Variants in ADD1 observed in about 807,000 individuals in gnomAD.
The protein encoded by ADD1 is adducin 1.
In ADD1, 24 loss-of-function variants were observed where a neutral mutation model predicts 80.5. That is an observed-to-expected ratio of 0.30 (90% confidence interval 0.22 to 0.42). The LOEUF is 0.42. ADD1 is among the 10% of genes least tolerant of loss of function. The probability of loss-of-function intolerance (pLI) is 1.00; values close to 1 mark genes in which losing one functional copy is unlikely to be tolerated. For missense variants in ADD1, 948 were observed against 1,019.0 expected (o/e 0.93, Z 0.95); for synonymous variants, 373 against 393.8 (o/e 0.95, Z 0.63).
At chr4:2,864,803 G>T (rs980846620) in intron 1 of ADD1, among the ~76,000 whole-genome samples, 3 of 152,130 alleles carry the variant, frequency 2.0e-5, no homozygotes, top group Admixed American at 6.5e-5. Flanking sequence ...TTTTATTCAC[G>T]TTCTTAATGG....
intron 14 of ADD1, among the ~76,000 whole-genome samples, chr4:2,919,788 G>T (rs1328272871): frequency 1.3e-5 from 2 of 151,678 alleles, no homozygotes; most frequent in Admixed American, 6.6e-5. Context: ...AAAAAAACCA[G>T]CTCCTGGATT....
At chr4:2,876,511 GGC>G (rs988355413) in intron 2 of ADD1, 7 of 153,806 alleles carry the variant, frequency 4.6e-5, no homozygotes, top group Admixed American at 1.3e-4. Context: ...AGACCAGGCT[GGC>G]CATCACGGTG....
chr4:2,875,838 T>C (rs1429703944), intron 1 of ADD1, 58 bp from the exon 2 acceptor site: 1 of 1,374,800 alleles, frequency 7.3e-7, no homozygotes, highest in East Asian at 2.4e-5. Flanking sequence ...GTGCTCATCA[T>C]GAAACACTGT....
chr4:2,849,327 A>G (rs1348296289), intron 1 of ADD1, among the ~76,000 whole-genome samples: 1 of 152,228 alleles, frequency 6.6e-6, no homozygotes, highest in Non-Finnish European at 1.5e-5. Context: ...GTTGGGAAAG[A>G]GGGTTCATAC....
At chr4:2,911,700 C>T (rs1738091370) in intron 13 of ADD1, among the ~76,000 whole-genome samples, 1 of 152,138 alleles carries the variant, frequency 6.6e-6, no homozygotes, top group Admixed American at 6.5e-5. Flanking sequence ...AAGCAGTCCA[C>T]CTGACTCAGC....
intron 13 of ADD1, 36 bp from the exon 14 acceptor site, chr4:2,914,848 G>C (rs780631533): frequency 5.1e-6 from 8 of 1,559,626 alleles, no homozygotes; most frequent in African/African-American, 1.4e-5. Context: ...CCATCGGGCC[G>C]GGCTCCTGCA....
intron 1 of ADD1, among the ~76,000 whole-genome samples, chr4:2,868,831 C>T (rs1023043023): frequency 1.3e-5 from 2 of 152,088 alleles, no homozygotes; most frequent in African/African-American, 2.4e-5. Context: ...AGGTGCCAGG[C>T]TTGGGGCGTG....
At chr4:2,864,231 G>A (rs540103326) in intron 1 of ADD1, among the ~76,000 whole-genome samples, 14 of 152,180 alleles carry the variant, frequency 9.2e-5, no homozygotes, top group South Asian at 4.2e-4. Flanking sequence ...TGGGCGATAC[G>A]GTGAAACCCC....
intron 1 of ADD1, among the ~76,000 whole-genome samples, chr4:2,846,367 A>G (rs529722510): frequency 7.9e-5 from 12 of 152,338 alleles, no homozygotes; most frequent in African/African-American, 2.9e-4. Context: ...ATCTAAAGGT[A>G]TGATCAGATT....
chr4:2,890,651 G>A (rs555666063), intron 4 of ADD1, among the ~76,000 whole-genome samples: 3 of 152,006 alleles, frequency 2.0e-5, no homozygotes, highest in African/African-American at 2.4e-5. Flanking sequence ...CTTGTGATCC[G>A]CCCTTCTCGC....
At position 2,928,860 on chromosome 4, in the gene ADD1, T is replaced by A; in HGVS notation, c.*337T>A. 3 of 273,930 alleles carry A rather than the reference T, an allele frequency of 1.1e-5. No homozygotes were observed. The highest frequency in any genetic ancestry group is 6.8e-6 in the Non-Finnish European group (1 of 146,918). The allele number at this position is 273,930 out of a possible 1,614,324, so 17.0% of individuals were successfully genotyped here. A position where few individuals can be genotyped will look rare whatever the true frequency, so the allele number is the denominator to read the frequency against. On this transcript the variant is annotated 3_prime_UTR_variant, in exon 16 of 16. Coordinates refer to ENST00000683351, the MANE Select transcript of ADD1 (RefSeq NM_001354761.2). ...TCACCCTCCTGAGCCTCACCTTTCC[T>A]GCCGTCCCTCCTGTTGTGAAATCAC...
intron 14 of ADD1, among the ~76,000 whole-genome samples, chr4:2,915,303 C>T (rs1325784724): frequency 2.0e-5 from 3 of 152,042 alleles, no homozygotes; most frequent in Non-Finnish European, 4.4e-5. Context: ...GTCGGGAGTT[C>T]GAGACCAACC....
At chr4:2,921,196 C>T (rs1047170736) in intron 14 of ADD1, among the ~76,000 whole-genome samples, 19 of 152,040 alleles carry the variant, frequency 1.2e-4, no homozygotes, top group Admixed American at 7.9e-4. Flanking sequence ...GGCGTGATCT[C>T]GGCTCACTGC....
At chr4:2,852,366 G>A (rs367683689) in intron 1 of ADD1, among the ~76,000 whole-genome samples, 7 of 114,710 alleles carry the variant, frequency 6.1e-5, no homozygotes, top group African/African-American at 3.5e-5. Flanking sequence ...TCGCTCTTTC[G>A]CCCAGGCTGG....
chr4:2,906,568 G>T (rs1350977743), intron 10 of ADD1, among the ~76,000 whole-genome samples: 1 of 152,198 alleles, frequency 6.6e-6, no homozygotes, highest in Non-Finnish European at 1.5e-5. Flanking sequence ...CCAAGGGGAG[G>T]CCTTGCTCCG....
chr4:2,884,686 G>A lies in ADD1; in HGVS notation c.510+20G>A. 1 of 1,560,138 alleles carries A rather than the reference G, an allele frequency of 6.4e-7. No homozygotes were observed. The highest frequency in any genetic ancestry group is 1.8e-5 in the Admixed American group (1 of 54,370). The stretch of plus-strand genomic sequence containing the variant: ...ATCACAGTGAGTATTAAATGGGCTA[G>A]TAACTGAACGATAAATGAAATATTT... On this transcript the variant is annotated intron_variant, in intron 4 of 15. Transcript: ENST00000683351.
At chr4:2,878,544 C>A (rs933369725) in intron 2 of ADD1, among the ~76,000 whole-genome samples, 1 of 152,072 alleles carries the variant, frequency 6.6e-6, no homozygotes, top group African/African-American at 2.4e-5. Flanking sequence ...AAACTGATAG[C>A]ACCTAGTGTG....
chr4:2,905,347 T>A, intron 10 of ADD1: 1 of 555,846 alleles, frequency 1.8e-6, no homozygotes, highest in South Asian at 2.5e-5. Context: ...TATATCTCCG[T>A]ATATAGCAAA....
chr4:2,881,138 C>A (rs1325372676), intron 2 of ADD1, among the ~76,000 whole-genome samples: 1 of 126,938 alleles, frequency 7.9e-6, no homozygotes, highest in Non-Finnish European at 1.6e-5. Context: ...AGTGCAATGG[C>A]CCAATCTCGG....
Sources: allele counts gnomAD v4.1 joint callset (sites outside exome capture counted in the v4.1 genomes callset), GRCh38; gene constraint gnomAD v4.1.1; transcripts MANE v1.5; gene names NCBI Gene and HGNC (gene_info 2026-07-23, HGNC 2026-07-21).